The following CFAP47 variants were observed in gnomAD, a reference collection of about 807,000 sequenced individuals.
CFAP47 encodes the protein cilia- and flagella-associated protein 47.
In CFAP47, 29 loss-of-function variants were observed where a neutral mutation model predicts 148.1. The ratio of observed to expected loss-of-function variants is 0.20; its 90% confidence interval spans 0.15 to 0.27. The LOEUF (loss-of-function observed/expected upper bound fraction) is 0.27, where lower values mean the gene tolerates loss of function less well. CFAP47 is among the 10% of genes least tolerant of loss of function. CFAP47 has a pLI of 1.00. For synonymous variants in CFAP47, 664 were observed against 577.3 expected, an observed-to-expected ratio of 1.15 and a Z score of -2.15; for missense variants, 1,872 against 1,697.5, an observed-to-expected ratio of 1.10 and a Z score of -1.81.
chrX:36,317,407 G>GTT (rs369511903), intron 56 of CFAP47, among the ~76,000 whole-genome samples: 6 of 105,501 alleles, frequency 5.7e-5, no homozygotes, highest in African/African-American at 2.1e-4. Context: ...TAAGTTTTGT[G>GTT]TTTTTTTTTT....
At chrX:36,319,753 A>C (rs1389944226) in intron 57 of CFAP47, among the ~76,000 whole-genome samples, 1 of 111,240 alleles carries the variant, frequency 9.0e-6, no homozygotes. Context: ...TTTACTGCGA[A>C]TTTATTACAG....
At chrX:36,025,603 G>C (rs1937207360) in intron 22 of CFAP47, among the ~76,000 whole-genome samples, 2 of 111,589 alleles carry the variant, frequency 1.8e-5, no homozygotes, top group Non-Finnish European at 3.8e-5. Context: ...ACTCCAGCCT[G>C]GGTGATAAAG....
intron 46 of CFAP47, among the ~76,000 whole-genome samples, chrX:36,230,554 G>T (rs1309953495): frequency 4.9e-5 from 5 of 102,355 alleles, no homozygotes; most frequent in East Asian, 3.1e-4. Context: ...CTCCCATTTT[G>T]TAGGTTGCCT....
At chrX:36,124,231 C>T (rs1469066448) in intron 33 of CFAP47, among the ~76,000 whole-genome samples, 1 of 111,591 alleles carries the variant, frequency 9.0e-6, no homozygotes, top group Non-Finnish European at 1.9e-5. Flanking sequence ...TTTGGAGCCA[C>T]AAAAGCTATG....
intron 30 of CFAP47, 23 bp from the exon 31 acceptor site, chrX:36,098,770 G>T: frequency 2.1e-6 from 2 of 938,773 alleles, no homozygotes; most frequent in South Asian, 4.7e-5. Flanking sequence ...ATTATAATTT[G>T]AGTTTTTCTT....
intron 35 of CFAP47, 162 bp from the exon 36 acceptor site, chrX:36,145,057 C>T: frequency 2.6e-6 from 1 of 382,261 alleles, no homozygotes; most frequent in South Asian, 5.1e-5. Context: ...TAATAAATTC[C>T]CGTTTATATA....
intron 58 of CFAP47, 35 bp from the exon 59 acceptor site, chrX:36,350,002 CT>C: frequency 1.1e-6 from 1 of 870,770 alleles, no homozygotes; most frequent in Non-Finnish European, 1.6e-6. Flanking sequence ...GGAGTTTCTC[CT>C]TTTGTTCCCT....
intron 8 of CFAP47, among the ~76,000 whole-genome samples, chrX:35,959,019 G>T (rs955610173): frequency 9.0e-6 from 1 of 111,691 alleles, no homozygotes; most frequent in African/African-American, 3.3e-5. Flanking sequence ...GATGGCTTCT[G>T]GAATCTGGAA....
intron 21 of CFAP47, among the ~76,000 whole-genome samples, chrX:36,004,733 C>T (rs993112778): frequency 9.1e-6 from 1 of 109,347 alleles, no homozygotes; most frequent in African/African-American, 3.3e-5. Context: ...CAGTGGTTAC[C>T]TGGAGTTAGG....
intron 33 of CFAP47, among the ~76,000 whole-genome samples, chrX:36,124,278 G>A (rs1327328585): frequency 5.4e-5 from 6 of 111,623 alleles, no homozygotes; most frequent in Non-Finnish European, 9.4e-5. Context: ...GCCTACAGTG[G>A]TGTCTCGATA....
At chrX:36,035,354 G>T (rs1305878036) in intron 23 of CFAP47, among the ~76,000 whole-genome samples, 1 of 111,346 alleles carries the variant, frequency 9.0e-6, no homozygotes, top group African/African-American at 3.3e-5. Flanking sequence ...TCACACATTT[G>T]TAAGACAGTG....
intron 35 of CFAP47, among the ~76,000 whole-genome samples, chrX:36,141,255 A>G (rs1376513345): frequency 9.0e-6 from 1 of 110,546 alleles, no homozygotes; most frequent in African/African-American, 3.3e-5. Flanking sequence ...AGAATCAGGG[A>G]AGCCAATGGT....
chrX:36,042,720 G>A (rs1053550230), intron 25 of CFAP47, among the ~76,000 whole-genome samples: 2 of 111,350 alleles, frequency 1.8e-5, no homozygotes, highest in African/African-American at 6.5e-5. Flanking sequence ...TGGAATATTC[G>A]ATGCTGTAAA....
intron 56 of CFAP47, among the ~76,000 whole-genome samples, chrX:36,318,160 C>T (rs1941451777): frequency 8.9e-6 from 1 of 111,969 alleles, no homozygotes; most frequent in South Asian, 3.7e-4. Context: ...ACATGTTTCC[C>T]TTTTATCGTA....
intron 15 of CFAP47, among the ~76,000 whole-genome samples, chrX:35,979,775 C>T (rs931239467): frequency 4.5e-5 from 5 of 111,378 alleles, no homozygotes; most frequent in Admixed American, 3.8e-4. Flanking sequence ...AATGCAGTTC[C>T]AGTCTTTTAA....
At chrX:36,010,683 C>T (rs1937029788) in intron 21 of CFAP47, among the ~76,000 whole-genome samples, 2 of 111,227 alleles carry the variant, frequency 1.8e-5, no homozygotes, top group African/African-American at 6.5e-5. Context: ...TGGTCTCGAT[C>T]TCCTGACCTC....
At chrX:36,194,675 GAA>G (rs1939901363) in intron 42 of CFAP47, among the ~76,000 whole-genome samples, 1 of 111,337 alleles carries the variant, frequency 9.0e-6, no homozygotes, top group South Asian at 3.8e-4. Context: ...AGGAGAGAGA[GAA>G]AGAAAAAGAG....
At chrX:36,278,724 A>G (rs782301968) in intron 49 of CFAP47, among the ~76,000 whole-genome samples, 63 of 112,413 alleles carry the variant, frequency 5.6e-4, no homozygotes, top group African/African-American at 1.5e-3. Context: ...GCCACCTTGG[A>G]ACAGACCCCA....
chrX:36,034,771 T>G (rs1184027453), intron 23 of CFAP47, among the ~76,000 whole-genome samples: 1 of 110,887 alleles, frequency 9.0e-6, no homozygotes. Flanking sequence ...GCTCCAGCTC[T>G]AAAATCAACA....
Sources: gnomAD v4.1 joint callset for allele counts (sites outside exome capture counted in the v4.1 genomes callset) on GRCh38, gnomAD v4.1.1 for gene constraint, MANE v1.5 for transcripts, NCBI Gene and HGNC (gene_info 2026-07-23, HGNC 2026-07-21) for gene names.